Variants in MAP3K1 observed in about 807,000 individuals in gnomAD.
MAP3K1 encodes the protein MAP/ERK kinase kinase 1.
In MAP3K1, 36 loss-of-function variants were observed where a neutral mutation model predicts 144.2. That is an observed-to-expected ratio of 0.25 (90% CI 0.19 to 0.33). The LOEUF (loss-of-function observed/expected upper bound fraction) is 0.33, where lower values mean the gene tolerates loss of function less well. Ranked by LOEUF, MAP3K1 falls within the 10% of genes least tolerant of loss-of-function variation. The pLI is 1.00. For missense variants in MAP3K1, 1,650 were observed against 1,881.9 expected (o/e 0.88, Z 2.28); for synonymous variants, 718 against 688.7 (o/e 1.04, Z -0.67).
In MAP3K1 at chr5:56,878,950, A is replaced by G. The variant is rs202215982; in HGVS notation, c.1966-30A>G. The G allele has an allele frequency of 6.4e-4, 1,038 of 1,612,358 alleles. 1 individual carries two copies. Among genetic ancestry groups the G allele is most frequent in the Non-Finnish European group, 8.2e-4 (961 of 1,178,758 alleles). On this transcript the variant is annotated intron_variant, in intron 10 of 19. Coordinates refer to ENST00000399503, the MANE Select transcript of MAP3K1 (RefSeq NM_005921.2). Reference sequence around the variant, plus strand: ...TATCTCTGATGCTTTTTAAGTGTACATAAACTGACCTTCAGATTTTTTTCC... The same window carrying G: ...TATCTCTGATGCTTTTTAAGTGTACGTAAACTGACCTTCAGATTTTTTTCC...
intron 1 of MAP3K1, among the ~76,000 whole-genome samples, chr5:56,831,796 A>G (rs771525976): frequency 5.9e-5 from 9 of 152,234 alleles, no homozygotes; most frequent in Non-Finnish European, 1.3e-4. Context: ...TAATACTTTG[A>G]AAACCTAAAT....
intron 2 of MAP3K1, among the ~76,000 whole-genome samples, chr5:56,858,951 G>A (rs964768560): frequency 6.6e-6 from 1 of 151,910 alleles, no homozygotes; most frequent in African/African-American, 2.4e-5. Flanking sequence ...ACAGCAACTG[G>A]CTATAGAACA....
chr5:56,844,115 G>GT (rs1272124159), intron 1 of MAP3K1, among the ~76,000 whole-genome samples: 1 of 135,250 alleles, frequency 7.4e-6, no homozygotes, highest in South Asian at 2.4e-4. Context: ...CAACTAACTT[G>GT]TTTTTATCAA....
At chr5:56,874,174 A>G (rs968417772) in intron 9 of MAP3K1, among the ~76,000 whole-genome samples, 1 of 152,218 alleles carries the variant, frequency 6.6e-6, no homozygotes, top group African/African-American at 2.4e-5. Flanking sequence ...ATATCCCTTT[A>G]TAACAAAACA....
chr5:56,865,973 A>G lies in MAP3K1; in HGVS notation c.1297A>G (p.Asn433Asp). Residue 433 changes from asparagine to aspartate, a missense_variant, in exon 6 of 20, where the codon AAC becomes GAC. Coordinates refer to ENST00000399503, the MANE Select transcript of MAP3K1 (RefSeq NM_005921.2). ...SSSTSTSSSE[N>D]SIKDEEEQMC... The stretch of plus-strand genomic sequence containing the variant: ...TAGTACTTCTACGTCTAGTTCAGAA[A>G]ACAGGTTAGTACTTTTTAAGGATTT... 1 of 1,607,704 alleles carries G rather than the reference A, an allele frequency of 6.2e-7. No homozygotes were observed. Among genetic ancestry groups the G allele is most frequent in the Non-Finnish European group, 8.5e-7 (1 of 1,174,106 alleles).
chr5:56,872,291 A>G (rs930888039), intron 7 of MAP3K1, among the ~76,000 whole-genome samples: 5 of 152,172 alleles, frequency 3.3e-5, no homozygotes, highest in South Asian at 4.1e-4. Flanking sequence ...ATTAGAAACA[A>G]TTTCAATCTG....
At chr5:56,870,190 G>A (rs1747809678) in intron 6 of MAP3K1, among the ~76,000 whole-genome samples, 1 of 152,174 alleles carries the variant, frequency 6.6e-6, no homozygotes, top group African/African-American at 2.4e-5. Context: ...GTTTAAGATA[G>A]TAGAAGTGCA....
At chr5:56,820,340 C>A in intron 1 of MAP3K1, 1 of 740,584 alleles carries the variant, frequency 1.4e-6, no homozygotes, top group Non-Finnish European at 1.6e-6. Flanking sequence ...TTCCACTACT[C>A]TGCTTCTTCC....
rs1046282249 is a variant in MAP3K1 at position 56,867,730 on chromosome 5, T to G, written c.1301+1753T>G. Among the ~76,000 whole-genome samples, 3 of 152,202 alleles carry G rather than the reference T, an allele frequency of 2.0e-5. 1 individual carries two copies. Among genetic ancestry groups the G allele is most frequent in the Non-Finnish European group, 4.4e-5 (3 of 68,034 alleles). ...ATATGGCTTTTAAAAACATTTATAT[T>G]CATTGATCCAGTAAATGTTCTTCTT... On this transcript the variant is annotated intron_variant, in intron 6 of 19. Transcript: ENST00000399503.
chr5:56,821,163 T>G (rs1746143049), intron 1 of MAP3K1, among the ~76,000 whole-genome samples: 1 of 152,250 alleles, frequency 6.6e-6, no homozygotes. Context: ...ATTTACTCTA[T>G]GGCATGTCAT....
chr5:56,843,690 C>G (rs537842554), intron 1 of MAP3K1, among the ~76,000 whole-genome samples: 2 of 152,112 alleles, frequency 1.3e-5, no homozygotes, highest in African/African-American at 2.4e-5. Context: ...TCTGATGCCC[C>G]CTTCTCTTAG....
rs2111920334 is a variant in MAP3K1 at position 56,875,050 on chromosome 5, G to A, written c.1705G>A (p.Val569Ile). Residue 569 changes from valine (V) to isoleucine (I), a missense_variant, in exon 10 of 20, where the codon GTT becomes ATT. Transcript: ENST00000399503. ...PWIQVFGMELVGCLFSRNWNV... is the reference protein window; with the variant it reads ...PWIQVFGMELIGCLFSRNWNV... Reference sequence around the variant, plus strand: ...GATACAGGTGTTTGGAATGGAACTCGTTGGCTGCTTATTTTCTAGAAACTG... The same window carrying A: ...GATACAGGTGTTTGGAATGGAACTCATTGGCTGCTTATTTTCTAGAAACTG... 1 of 1,614,182 alleles carries A rather than the reference G, an allele frequency of 6.2e-7. No homozygotes were observed. The highest frequency in any genetic ancestry group is 8.5e-7 in the Non-Finnish European group (1 of 1,180,026).
At chr5:56,855,292 C>T (rs1342846168) in intron 1 of MAP3K1, among the ~76,000 whole-genome samples, 1 of 152,036 alleles carries the variant, frequency 6.6e-6, no homozygotes, top group Non-Finnish European at 1.5e-5. Flanking sequence ...ATTAGATAAT[C>T]CTCCTTTTTT....
intron 10 of MAP3K1, among the ~76,000 whole-genome samples, chr5:56,876,038 T>C (rs1370374899): frequency 6.6e-6 from 1 of 152,176 alleles, no homozygotes. Context: ...CTGTTAAAAG[T>C]TCTTTCATGG....
At chr5:56,825,696 A>G (rs548163851) in intron 1 of MAP3K1, among the ~76,000 whole-genome samples, 46 of 152,228 alleles carry the variant, frequency 3.0e-4, no homozygotes, top group African/African-American at 8.4e-4. Flanking sequence ...TCAGCTTCCA[A>G]TCAGTCACCA....
rs953440061 is a variant in MAP3K1, at chr5:56,888,325, A to G, written c.4357A>G (p.Lys1453Glu). ...ACAKPPWNAEKHSNHLALIFK... is the reference protein window; with the variant it reads ...ACAKPPWNAEEHSNHLALIFK... ...TGCAAAACCACCATGGAATGCAGAA[A>G]AACACTCCAATCATCTTGCTTTGAT... is the stretch of plus-strand genomic sequence containing the variant. Residue 1453 changes from lysine to glutamate, a missense_variant, in exon 19 of 20, where the codon AAA becomes GAA. Lys to Glu is a moderately conservative substitution (Grantham distance 56). This residue lies in a region of MAP3K1 where 165 missense variants were observed against 322.9 expected (regional missense o/e 0.51). Transcript: ENST00000399503. 6.2e-7 allele frequency: 1 copy of G among 1,614,084 alleles called. No homozygotes were observed. The highest frequency in any genetic ancestry group is 2.2e-5 in the East Asian group (1 of 44,856).
chr5:56,836,951 C>G (rs1373553145), intron 1 of MAP3K1, among the ~76,000 whole-genome samples: 1 of 152,174 alleles, frequency 6.6e-6, no homozygotes, highest in Non-Finnish European at 1.5e-5. Flanking sequence ...GTACTCCTCT[C>G]AGAAATCTTG....
In MAP3K1 at chr5:56,893,425, T is replaced by C. The variant is rs1407324303; in HGVS notation, c.4390-106T>C. On this transcript the variant is annotated intron_variant, in intron 19 of 19. Transcript: ENST00000399503. ...ATCCTCCCACTTCTGCTTCAGTTCC[T>C]CTCTGTTCAGGATGTAAATGTAAGG... The C allele has an allele frequency of 6.6e-6, 8 of 1,216,676 alleles. No individual in the cohort carries two copies. In the Admixed American group the frequency reaches 1.1e-4, roughly 17 times the overall value. 75.4% of individuals were successfully genotyped at this position (1,216,676 alleles called of 1,614,324 possible). A position where few individuals can be genotyped will look rare whatever the true frequency, so the allele number is the denominator to read the frequency against.
chr5:56,847,783 C>T (rs527299049), intron 1 of MAP3K1, among the ~76,000 whole-genome samples: 9 of 152,294 alleles, frequency 5.9e-5, no homozygotes, highest in African/African-American at 2.2e-4. Context: ...AATGTATTCT[C>T]TGCTCATAAT....
Sources: gnomAD v4.1 joint callset for allele counts (sites outside exome capture counted in the v4.1 genomes callset) on GRCh38, gnomAD v4.1.1 for gene constraint, gnomAD v4.1.1 regional missense constraint, MANE v1.5 for transcripts, NCBI Gene and HGNC (gene_info 2026-07-23, HGNC 2026-07-21) for gene names.